The following ZMYM3 variants were observed in gnomAD, a reference collection of about 807,000 sequenced individuals.
ZMYM3 encodes the protein zinc finger MYM-type protein 3.
In ZMYM3, 6 loss-of-function variants were observed where a neutral mutation model predicts 94.2. The observed-to-expected ratio is 0.06, with a 90% CI of 0.03 to 0.13. ZMYM3 has a LOEUF of 0.13. Ranked by LOEUF, ZMYM3 falls within the 10% of genes least tolerant of loss-of-function variation. The probability of loss-of-function intolerance (pLI) is 1.00; values close to 1 mark genes in which losing one functional copy is unlikely to be tolerated. For missense variants in ZMYM3, 664 were observed against 1,132.6 expected, an observed-to-expected ratio of 0.59 and a Z score of 5.94; for synonymous variants, 420 against 426.5, an observed-to-expected ratio of 0.98 and a Z score of 0.19.
intron 22 of ZMYM3, 89 bp from the exon 23 acceptor site, chrX:71,242,513 C>T (rs2029991139): frequency 9.1e-7 from 1 of 1,097,516 alleles, no homozygotes; most frequent in Admixed American, 2.5e-5. Flanking sequence ...GCTCATTTCC[C>T]ACACAATTCT....
chrX:71,250,553 G>A lies in ZMYM3; in HGVS notation c.952C>T (p.Leu318=). Residue 318 remains leucine (L), a synonymous_variant, in exon 5 of 25, where the codon CTG becomes TTG. Transcript: ENST00000314425. Reference sequence around the variant, plus strand: ...TGATAGGCAGTCTGCCCCTTCTGCAGTGGTGTCCGGCAATGTGCACAAGTC... The same window carrying A: ...TGATAGGCAGTCTGCCCCTTCTGCAATGGTGTCCGGCAATGTGCACAAGTC... The part of the protein sequence containing the change: ...KMTCAHCRTP[L]QKGQTAYQRK... 1 of 1,211,567 alleles carries A rather than the reference G, an allele frequency of 8.3e-7. No individual in the cohort carries two copies.
At chrX:71,244,662 C>T (rs1314079455) in intron 19 of ZMYM3, 128 bp downstream of exon 19, 5 of 778,610 alleles carry the variant, frequency 6.4e-6, no homozygotes, top group Admixed American at 6.5e-5. Flanking sequence ...TTGGCTTTAT[C>T]TCAGTACTTC....
intron 19 of ZMYM3, 89 bp from the exon 20 acceptor site, chrX:71,244,559 G>T: frequency 9.5e-7 from 1 of 1,055,753 alleles, no homozygotes; most frequent in Non-Finnish European, 1.3e-6. Flanking sequence ...TGCTGGCCGG[G>T]GCAGGGGCTG....
rs1262805117 is a variant in ZMYM3 at position 71,243,474 on chromosome X, C to T, written c.3432+355G>A. 1.5e-5 allele frequency: 4 copies of T among 261,216 alleles called. No individual in the cohort carries two copies. The East Asian group carries it at 3.0e-4, about 19-fold the overall frequency. 21.5% of individuals were successfully genotyped at this position (261,216 alleles called of 1,213,427 possible). ...GCAATGAAGACTGCTCCTTGGCCAA[C>T]GGTCCTGGAATGCAGTTTTGATTTT... On this transcript the variant is annotated intron_variant, in intron 21 of 24. Transcript: ENST00000314425.
chrX:71,245,127 TAAAAAAAAAAA>T (rs5902685), intron 18 of ZMYM3, among the ~76,000 whole-genome samples: 1 of 42,628 alleles, frequency 2.3e-5, no homozygotes, highest in Admixed American at 3.1e-4. Context: ...GCTTAAAAAT[TAAAAAAAAAAA>T]AAAAAAAAAA....
chrX:71,251,446 A>C (rs1236641702), intron 3 of ZMYM3, 112 bp downstream of exon 3: 1 of 1,032,916 alleles, frequency 9.7e-7, no homozygotes, highest in Non-Finnish European at 1.3e-6. Context: ...CCCTCCTCCT[A>C]ACTCTCCTTA....
At position 71,242,977 on chromosome X, in the gene ZMYM3, G is replaced by A; in HGVS notation, c.3540C>T (p.Leu1180=). The A allele has an allele frequency of 8.3e-6, 10 of 1,209,837 alleles. No homozygotes were observed. The highest frequency in any genetic ancestry group is 1.1e-5 in the Non-Finnish European group (10 of 893,726). ...TACGTCCCTGTTCCTTACTGTTGGG[G>A]AGGAGTGTGGGCTGCCAGGTACTCA... The part of the protein sequence containing the change: ...KSLSTWQPTL[L]PNNTVFSRVE... Residue 1180 remains leucine (L), a synonymous_variant, in exon 22 of 25, where the codon CTC becomes CTT. Coordinates refer to ENST00000314425, the MANE Select transcript of ZMYM3 (RefSeq NM_201599.3).
At chrX:71,252,229 G>A (rs2147995970) in intron 2 of ZMYM3, among the ~76,000 whole-genome samples, 1 of 111,292 alleles carries the variant, frequency 9.0e-6, no homozygotes, top group South Asian at 3.8e-4. Flanking sequence ...AAGCTGTAAA[G>A]GTCTTAGAAC....
chrX:71,248,847 GGAGA>G, intron 8 of ZMYM3, 46 bp from the exon 9 acceptor site: 2 of 1,108,185 alleles, frequency 1.8e-6, no homozygotes, highest in Middle Eastern at 5.1e-4. Context: ...AAAGAGAGAG[GGAGA>G]GAGAGAGCAC....
intron 13 of ZMYM3, 126 bp from the exon 14 acceptor site, chrX:71,246,818 C>A: frequency 1.7e-6 from 1 of 600,096 alleles, no homozygotes. Context: ...GGATTTGACC[C>A]CCTTGCCATC....
intron 20 of ZMYM3, 133 bp downstream of exon 20, chrX:71,244,169 G>A: frequency 1.0e-6 from 1 of 995,681 alleles, no homozygotes; most frequent in South Asian, 2.4e-5. Context: ...CATCTTCACA[G>A]GGCATCCTTA....
At position 71,249,143 on chromosome X, in the gene ZMYM3, G is replaced by C. The variant is rs914460630; in HGVS notation, c.1497C>G (p.Val499=). 10 of 1,210,252 alleles carry C rather than the reference G, an allele frequency of 8.3e-6. No homozygotes were observed. In the African/African-American group the frequency reaches 1.6e-4, roughly 19 times the overall value. Residue 499 remains valine (V), a synonymous_variant, in exon 8 of 25, where the codon GTC becomes GTG. Transcript: ENST00000314425. ...KKKNTRVYPC[V]WCKTLCKNFE... ...AGTTCTTACACAGGGTCTTGCACCA[G>C]ACACATGGGTACACACGTGTGTTTT...
chrX:71,248,264 G>T lies in ZMYM3; in HGVS notation c.1873C>A (p.Arg625=), dbSNP rs147783061. The change falls in exon 11 of 25, where the codon CGG becomes AGG. Residue 625 remains arginine (R), a synonymous_variant. Coordinates refer to ENST00000314425, the MANE Select transcript of ZMYM3 (RefSeq NM_201599.3). ...CCRDCCEDFK[R]LRGVVSQCEH... ...CACTGGGACACCACACCCCGAAGCC[G>T]CTTGAAGTCCTCACAGCAATCACGG... 1.6e-3 allele frequency: 1,933 copies of T among 1,206,845 alleles called. 2 individuals are homozygous for T. The highest frequency in any genetic ancestry group is 1.8e-3 in the Non-Finnish European group (1,632 of 893,415).
chrX:71,244,553 G>A, intron 19 of ZMYM3, 83 bp from the exon 20 acceptor site: 1 of 1,074,139 alleles, frequency 9.3e-7, no homozygotes. Flanking sequence ...ATTTACTGCT[G>A]GCCGGGGCAG....
At chrX:71,249,273 G>C (rs981496611) in intron 7 of ZMYM3, 104 bp from the exon 8 acceptor site, 17 of 1,168,990 alleles carry the variant, frequency 1.5e-5, no homozygotes, top group Non-Finnish European at 1.9e-5. Flanking sequence ...AAAAAGTATA[G>C]ATGATGATGT....
rs758203251 is a variant in ZMYM3 at position 71,246,546 on chromosome X, C to T, written c.2413-34G>A. On this transcript the variant is annotated intron_variant, in intron 14 of 24. Transcript: ENST00000314425. ...ACAGAGGAACATTTGTGCCACCAAC[C>T]GCCGTACCCTCCTCTGAGATTATCC... The T allele has an allele frequency of 1.1e-5, 13 of 1,198,362 alleles. No homozygotes were observed. The South Asian group carries it at 1.1e-4, about 10-fold the overall frequency.
At chrX:71,249,252 C>G in intron 7 of ZMYM3, 83 bp from the exon 8 acceptor site, 2 of 1,179,106 alleles carry the variant, frequency 1.7e-6, no homozygotes, top group African/African-American at 3.5e-5. Context: ...TGAAATATTT[C>G]AGGCATACAA....
At chrX:71,244,550 G>A in intron 19 of ZMYM3, 80 bp from the exon 20 acceptor site, 3 of 1,088,417 alleles carry the variant, frequency 2.8e-6, no homozygotes, top group Non-Finnish European at 2.5e-6. Flanking sequence ...CATATTTACT[G>A]CTGGCCGGGG....
At chrX:71,253,818 C>G (rs2030630615) in intron 1 of ZMYM3, among the ~76,000 whole-genome samples, 1 of 76,849 alleles carries the variant, frequency 1.3e-5, no homozygotes, top group South Asian at 9.2e-4. Flanking sequence ...CCCCCAGTTA[C>G]CTTTCAGGTC....
Sources: allele counts gnomAD v4.1 joint callset (sites outside exome capture counted in the v4.1 genomes callset), GRCh38; gene constraint gnomAD v4.1.1; transcripts MANE v1.5; gene names NCBI Gene and HGNC (gene_info 2026-07-23, HGNC 2026-07-21).